The following TOP2A variants were observed in gnomAD, a reference collection of about 807,000 sequenced individuals.
TOP2A encodes the protein DNA topoisomerase 2-alpha.
A neutral mutation model predicts 187.2 loss-of-function variants in TOP2A; 68 were observed. The observed-to-expected ratio is 0.36, with a 90% confidence interval of 0.30 to 0.44. TOP2A has a LOEUF of 0.44. TOP2A is among the 20% of genes least tolerant of loss of function. TOP2A has a pLI of 1.00. For missense variants in TOP2A, 1,196 were observed against 1,808.7 expected, an observed-to-expected ratio of 0.66 and a Z score of 6.14; for synonymous variants, 542 against 593.2, an observed-to-expected ratio of 0.91 and a Z score of 1.25.
In TOP2A at chr17:40,404,467, T is replaced by C; in HGVS notation, c.2071A>G (p.Thr691Ala). 1 of 1,608,672 alleles carries C rather than the reference T, an allele frequency of 6.2e-7. No homozygotes were observed. Among genetic ancestry groups the C allele is most frequent in the South Asian group, 1.1e-5 (1 of 90,576 alleles). ...PEDYLYGQTTTYLTYNDFINK... is the reference protein window; with the variant it reads ...PEDYLYGQTTAYLTYNDFINK... ...ATGAAGTCATTATATGTCAGATATGTGGTAGTTTGTCCATACAAGTAATCC... is the reference window on the plus strand; with the variant it reads ...ATGAAGTCATTATATGTCAGATATGCGGTAGTTTGTCCATACAAGTAATCC... Residue 691 changes from threonine to alanine, a missense_variant, in exon 18 of 35, where the codon ACA becomes GCA. Physicochemically the swap from Thr to Ala is moderately conservative, Grantham distance 58. Around this residue, in one of 10 missense-constraint regions of TOP2A, gnomAD observed 209 missense variants for 376.9 expected, o/e 0.55. Transcript: ENST00000423485.
chr17:40,409,159 A>T (rs1337790872), intron 10 of TOP2A: 6 of 283,314 alleles, frequency 2.1e-5, no homozygotes, highest in Non-Finnish European at 2.0e-5. Context: ...GCACCATTGC[A>T]CTCCAGCCTG....
intron 16 of TOP2A, among the ~76,000 whole-genome samples, 179 bp from the exon 17 acceptor site, chr17:40,405,062 T>C (rs2035222163): frequency 6.6e-6 from 1 of 151,676 alleles, no homozygotes; most frequent in African/African-American, 2.4e-5. Context: ...TCATCTTGGC[T>C]CACTGCAACC....
intron 20 of TOP2A, among the ~76,000 whole-genome samples, chr17:40,402,375 G>C (rs754814498): frequency 1.3e-5 from 2 of 152,186 alleles, no homozygotes; most frequent in African/African-American, 2.4e-5. Flanking sequence ...TGGGAATTGA[G>C]TGTAGGCATT....
intron 10 of TOP2A, chr17:40,409,328 A>G: frequency 2.5e-6 from 1 of 394,656 alleles, no homozygotes. Flanking sequence ...GTGAACTGAG[A>G]TCAAGCCACG....
intron 2 of TOP2A, 113 bp from the exon 3 acceptor site, chr17:40,416,625 T>C: frequency 2.1e-6 from 3 of 1,438,766 alleles, no homozygotes; most frequent in Non-Finnish European, 9.7e-7. Flanking sequence ...CCAGTTCCAG[T>C]GACACTCAGT....
chr17:40,409,957 G>A, intron 10 of TOP2A: 1 of 177,794 alleles, frequency 5.6e-6, no homozygotes, highest in South Asian at 9.6e-5. Context: ...GCATGGTGAT[G>A]CATGCCTGTA....
At chr17:40,391,388 G>A in intron 33 of TOP2A, 118 bp downstream of exon 33, 2 of 1,067,192 alleles carry the variant, frequency 1.9e-6, no homozygotes, top group Non-Finnish European at 2.6e-6. Context: ...GCTTCCAATT[G>A]GAAAACATTT....
intron 24 of TOP2A, among the ~76,000 whole-genome samples, 162 bp downstream of exon 24, chr17:40,399,710 T>C (rs2035152194): frequency 6.6e-6 from 1 of 152,180 alleles, no homozygotes; most frequent in Admixed American, 6.5e-5. Flanking sequence ...TCTTTCAAAC[T>C]ATAAATACCT....
Position 40,411,263 on chromosome 17 carries a change from T to G in TOP2A, c.1066-17A>C. The stretch of plus-strand genomic sequence containing the variant: ...ATTTTTCACCTGCAATAGAAGTTGA[T>G]ATTAAGCCACTAAAAATGTACTCAT... On this transcript the variant is annotated splice_polypyrimidine_tract_variant and intron_variant, in intron 9 of 34. Coordinates refer to ENST00000423485, the MANE Select transcript of TOP2A (RefSeq NM_001067.4). The surrounding 1 kb of genome is among the most constrained non-coding windows in gnomAD (Gnocchi z 4.4). 6.2e-7 allele frequency: 1 copy of G among 1,612,282 alleles called. No homozygotes were observed. Among genetic ancestry groups the G allele is most frequent in the Non-Finnish European group, 8.5e-7 (1 of 1,179,402 alleles).
Position 40,390,100 on chromosome 17 carries a change from ATCCCTTTTAG to A in TOP2A, c.4322_4331del (p.Thr1441IlefsTer4). 6.2e-7 allele frequency: 1 copy of A among 1,613,808 alleles called. No homozygotes were observed. Among genetic ancestry groups the A allele is most frequent in the Non-Finnish European group, 8.5e-7 (1 of 1,179,834 alleles). Reference sequence around the variant, plus strand: ...GAGAGACACCAGAATTCAAAGCTGGATCCCTTTTAGTTCCTTTTGGGGCAGCCCTTTTTTT... The same window carrying A: ...GAGAGACACCAGAATTCAAAGCTGGATTCCTTTTGGGGCAGCCCTTTTTTT... On this transcript the variant is annotated frameshift_variant, in exon 34 of 35. Transcript: ENST00000423485. LOFTEE classifies it high-confidence loss of function.
chr17:40,399,206 C>A, intron 24 of TOP2A, 75 bp from the exon 25 acceptor site: 2 of 1,079,098 alleles, frequency 1.9e-6, no homozygotes, highest in South Asian at 2.9e-5. Flanking sequence ...TTACACAAGT[C>A]AAAAGTTTAA....
rs1567784495 is a variant in TOP2A, at chr17:40,400,032, A to G, written c.3036T>C (p.Tyr1012=). 1.2e-6 allele frequency: 2 copies of G among 1,611,400 alleles called. No individual in the cohort carries two copies. The highest frequency in any genetic ancestry group is 8.5e-7 in the Non-Finnish European group (1 of 1,179,150). Residue 1012 remains tyrosine, a synonymous_variant, in exon 24 of 35, where the codon TAT becomes TAC. Transcript: ENST00000423485. ...LFDHVGCLKK[Y]DTVLDILRDF... is the part of the protein sequence containing the mutation. ...CTCTTAGAATATCCAACACCGTGTC[A>G]TATTTCTTTAAACAGCCTACGTGGT... is the stretch of plus-strand genomic sequence containing the variant.
At chr17:40,391,710 C>A in intron 32 of TOP2A, 70 bp from the exon 33 acceptor site, 1 of 1,414,034 alleles carries the variant, frequency 7.1e-7, no homozygotes, top group Non-Finnish European at 9.3e-7. Flanking sequence ...CTGCTTTGTC[C>A]CTGGTATGAA....
chr17:40,416,621 C>T (rs2035393612), intron 2 of TOP2A, 109 bp from the exon 3 acceptor site: 1 of 1,434,400 alleles, frequency 7.0e-7, no homozygotes, highest in Non-Finnish European at 9.7e-7. Flanking sequence ...TAGGCCAGTT[C>T]CAGTGACACT....
Position 40,411,842 on chromosome 17 carries a change from G to A in TOP2A, c.790-24C>T. 6.5e-7 allele frequency: 1 copy of A among 1,542,416 alleles called. No homozygotes were observed. Among genetic ancestry groups the A allele is most frequent in the Non-Finnish European group, 8.7e-7 (1 of 1,149,470 alleles). On this transcript the variant is annotated intron_variant, in intron 7 of 34. Coordinates refer to ENST00000423485, the MANE Select transcript of TOP2A (RefSeq NM_001067.4). This position sits in a 1 kb window ranked among gnomAD's most constrained non-coding sequence, Gnocchi z 4.4. Reference sequence around the variant, plus strand: ...ACCTGTACAGGAATTAAAGGTAACAGTATTAAGAAAGTTATTAAAAAATAG... The same window carrying A: ...ACCTGTACAGGAATTAAAGGTAACAATATTAAGAAAGTTATTAAAAAATAG...
At chr17:40,391,800 T>C in intron 32 of TOP2A, 160 bp from the exon 33 acceptor site, 2 of 940,328 alleles carry the variant, frequency 2.1e-6, no homozygotes, top group South Asian at 4.0e-5. Flanking sequence ...ATTTCTGAAT[T>C]TTTTATCAGC....
At chr17:40,398,519 T>A (rs746291734) in intron 27 of TOP2A, 39 bp downstream of exon 27, 10 of 1,475,440 alleles carry the variant, frequency 6.8e-6, no homozygotes, top group Non-Finnish European at 8.3e-6. Flanking sequence ...TATTATTTCA[T>A]TAATAAAAAT....
chr17:40,404,981 A>C, intron 16 of TOP2A, 98 bp from the exon 17 acceptor site: 2 of 724,694 alleles, frequency 2.8e-6, no homozygotes, highest in Admixed American at 3.1e-5. Context: ...AAACAAAAAT[A>C]CTGTTTTCCT....
chr17:40,395,790 A>G (rs2035089037), intron 28 of TOP2A, among the ~76,000 whole-genome samples: 1 of 151,922 alleles, frequency 6.6e-6, no homozygotes, highest in Non-Finnish European at 1.5e-5. Flanking sequence ...TGGGAGGCTG[A>G]GGCACGAGAA....
Sources: allele counts gnomAD v4.1 joint callset (sites outside exome capture counted in the v4.1 genomes callset), GRCh38; gene constraint gnomAD v4.1.1; regional missense constraint gnomAD v4.1.1; non-coding constraint Gnocchi (gnomAD v3.1); transcripts MANE v1.5; gene names NCBI Gene and HGNC (gene_info 2026-07-23, HGNC 2026-07-21).